The following ABCC12 variants were observed in gnomAD, a reference collection of about 807,000 sequenced individuals.
ABCC12 encodes ATP-binding cassette sub-family C member 12.
Under a neutral mutation model 151.1 loss-of-function variants are expected in ABCC12, and 142 were observed. The ratio of observed to expected loss-of-function variants is 0.94; its 90% CI spans 0.82 to 1.08. The LOEUF is 1.08. ABCC12 is among the 50% of genes least tolerant of loss of function. The pLI is 0.00. For missense variants in ABCC12, 1,638 were observed against 1,691.1 expected, an observed-to-expected ratio of 0.97 and a Z score of 0.55; for synonymous variants, 645 against 646.4, an observed-to-expected ratio of 1.00 and a Z score of 0.03.
In ABCC12 at chr16:48,111,579, G is replaced by A. The variant is rs747006466; in HGVS notation, c.2208C>T (p.Ile736=). ...PAEREEDAGI[I]VLAPGNEKDE... is the part of the protein sequence containing the mutation. ...CAATAACAGGGATGGGATTCTAACC[G>A]ATTATACCAGCATCTTCCTCTCTCT... Residue 736 remains isoleucine, a splice_region_variant and synonymous_variant, in exon 17 of 31, where the codon ATC becomes ATT. Transcript: ENST00000311303. The A allele has an allele frequency of 9.3e-6, 15 of 1,614,162 alleles. No individual in the cohort carries two copies. The highest frequency in any genetic ancestry group is 8.3e-5 in the Admixed American group (5 of 60,024).
chr16:48,130,726 C>A, intron 10 of ABCC12, 62 bp downstream of exon 10: 1 of 1,361,148 alleles, frequency 7.3e-7, no homozygotes, highest in Non-Finnish European at 1.0e-6. Flanking sequence ...CTCCACATAT[C>A]TGAGCATTTT....
chr16:48,115,348 C>T (rs1963839283), intron 15 of ABCC12, 67 bp downstream of exon 15: 11 of 1,534,950 alleles, frequency 7.2e-6, no homozygotes, highest in African/African-American at 1.4e-5. Flanking sequence ...GAAGAGGAGG[C>T]TCTGTGAGCA....
intron 3 of ABCC12, 58 bp downstream of exon 3, chr16:48,146,248 G>T: frequency 6.6e-7 from 1 of 1,524,962 alleles, no homozygotes. Flanking sequence ...CCACTCTCCT[G>T]ATGGACATTC....
At position 48,115,521 on chromosome 16, in the gene ABCC12, T is replaced by C; in HGVS notation, c.1883A>G (p.Asp628Gly). The C allele has an allele frequency of 6.2e-7, 1 of 1,613,866 alleles. No homozygotes were observed. Among genetic ancestry groups the C allele is most frequent in the Non-Finnish European group, 8.5e-7 (1 of 1,179,984 alleles). Residue 628 changes from aspartate (D) to glycine (G), a missense_variant, in exon 15 of 31, where the codon GAC becomes GGC. Transcript: ENST00000311303. ...GTGGGCGTCCACGGCCGACAGGGGG[T>C]CGTCCAGCAGGTAGAGCTGACGGTC... Reference protein sequence around the residue: ...YSDRQLYLLDDPLSAVDAHVG... With the variant: ...YSDRQLYLLDGPLSAVDAHVG...
At chr16:48,109,836 G>A (rs1051982254) in intron 18 of ABCC12, among the ~76,000 whole-genome samples, 4 of 152,226 alleles carry the variant, frequency 2.6e-5, no homozygotes, top group South Asian at 2.1e-4. Context: ...TGTTTGCCTC[G>A]GCTGTGCCTT....
intron 23 of ABCC12, among the ~76,000 whole-genome samples, chr16:48,099,965 T>TC (rs988531182): frequency 6.6e-6 from 1 of 150,610 alleles, no homozygotes; most frequent in African/African-American, 2.4e-5. Flanking sequence ...CCTTTTTCTT[T>TC]TTTTTTTTTT....
chr16:48,113,180 C>G (rs376425939), intron 15 of ABCC12, among the ~76,000 whole-genome samples: 1 of 152,154 alleles, frequency 6.6e-6, no homozygotes, highest in African/African-American at 2.4e-5. Flanking sequence ...TAGCTGTGTT[C>G]GGTCATTGTA....
intron 2 of ABCC12, chr16:48,146,774 G>C (rs1965018508): frequency 8.7e-6 from 2 of 229,160 alleles, no homozygotes; most frequent in East Asian, 2.2e-4. Flanking sequence ...CCAAGGCTGA[G>C]TCCCAGCCCA....
intron 2 of ABCC12, among the ~76,000 whole-genome samples, chr16:48,148,105 G>T (rs984597481): frequency 6.6e-6 from 1 of 152,020 alleles, no homozygotes; most frequent in Non-Finnish European, 1.5e-5. Flanking sequence ...ACGCCACTGC[G>T]TCTGGCTAAT....
intron 18 of ABCC12, among the ~76,000 whole-genome samples, chr16:48,110,350 G>C (rs531244482): frequency 1.3e-5 from 2 of 152,172 alleles, no homozygotes; most frequent in Non-Finnish European, 2.9e-5. Flanking sequence ...TAAAATGGTG[G>C]TAGCCTTTAA....
At chr16:48,142,000 A>G (rs1400880116) in intron 4 of ABCC12, among the ~76,000 whole-genome samples, 1 of 152,166 alleles carries the variant, frequency 6.6e-6, no homozygotes, top group Non-Finnish European at 1.5e-5. Flanking sequence ...CCTCCAGGTG[A>G]GAGGTGGCAG....
At chr16:48,154,069 T>C (rs1298712810) in intron 1 of ABCC12, among the ~76,000 whole-genome samples, 185 bp from the exon 2 acceptor site, 1 of 152,134 alleles carries the variant, frequency 6.6e-6, no homozygotes, top group Non-Finnish European at 1.5e-5. Flanking sequence ...GAGGAGGCAG[T>C]GCCAACCGGG....
At chr16:48,089,284 T>C (rs377543260) in intron 25 of ABCC12, among the ~76,000 whole-genome samples, 1 of 152,208 alleles carries the variant, frequency 6.6e-6, no homozygotes, top group East Asian at 1.9e-4. Flanking sequence ...GTCAGAAGTG[T>C]AGCCCTGAAG....
At chr16:48,105,071 C>T in intron 21 of ABCC12, 68 bp downstream of exon 21, 1 of 1,580,560 alleles carries the variant, frequency 6.3e-7, no homozygotes, top group Non-Finnish European at 8.7e-7. Flanking sequence ...ATGCCTGGCA[C>T]ACTGCAGGTG....
intron 13 of ABCC12, among the ~76,000 whole-genome samples, chr16:48,118,854 T>A (rs1352245629): frequency 6.6e-6 from 1 of 152,228 alleles, no homozygotes; most frequent in Non-Finnish European, 1.5e-5. Context: ...ACCTCCCTGA[T>A]CCTCACTCTC....
chr16:48,105,530 T>C (rs2150607310), intron 20 of ABCC12, among the ~76,000 whole-genome samples, 194 bp from the exon 21 acceptor site: 1 of 152,272 alleles, frequency 6.6e-6, no homozygotes, highest in South Asian at 2.1e-4. Flanking sequence ...CTGCTGGCAC[T>C]CATGACCCCA....
Position 48,128,561 on chromosome 16 carries a change from T to A in ABCC12, c.1413A>T (p.Ala471=). ...RHLCKKQRSE[A]YSERSPPAKG... The stretch of plus-strand genomic sequence containing the variant: ...TGGCTGGTGGACTCCTCTCACTGTA[T>A]GCCTCTGACCTCTGTTTCTTGCATA... Residue 471 remains alanine (A), a synonymous_variant, in exon 11 of 31, where the codon GCA becomes GCT. Coordinates refer to ENST00000311303, the MANE Select transcript of ABCC12 (RefSeq NM_001393797.1). The A allele has an allele frequency of 6.2e-7, 1 of 1,614,266 alleles. No homozygotes were observed. Among genetic ancestry groups the A allele is most frequent in the East Asian group, 2.2e-5 (1 of 44,890 alleles).
intron 4 of ABCC12, among the ~76,000 whole-genome samples, 190 bp downstream of exon 4, chr16:48,143,720 C>G (rs78373196): frequency 0.032 from 4,917 of 152,302 alleles, 251 homozygotes; most frequent in African/African-American, 0.11. Context: ...CACACACTGT[C>G]TTGCCTGCCA....
At chr16:48,100,535 A>G (rs1963266170) in intron 23 of ABCC12, among the ~76,000 whole-genome samples, 1 of 152,206 alleles carries the variant, frequency 6.6e-6, no homozygotes, top group African/African-American at 2.4e-5. Context: ...GAAAAAATTA[A>G]TAGGTTTGGG....
Sources: allele counts gnomAD v4.1 joint callset (sites outside exome capture counted in the v4.1 genomes callset), GRCh38; gene constraint gnomAD v4.1.1; transcripts MANE v1.5; gene names NCBI Gene and HGNC (gene_info 2026-07-23, HGNC 2026-07-21).